EIF3F: variants seen among roughly 807,000 people sequenced by gnomAD.
EIF3F encodes deubiquitinating enzyme eIF3f.
A neutral mutation model predicts 36.0 loss-of-function variants in EIF3F; 8 were observed. The ratio of observed to expected loss-of-function variants is 0.22; its 90% confidence interval spans 0.13 to 0.40. The LOEUF is 0.40. EIF3F is among the 10% of genes least tolerant of loss of function. The probability of loss-of-function intolerance (pLI) is 1.00; values close to 1 mark genes in which losing one functional copy is unlikely to be tolerated. For synonymous variants in EIF3F, 184 were observed against 188.5 expected (o/e 0.98, Z 0.19); for missense variants, 430 against 467.6 (o/e 0.92, Z 0.74).
intron 5 of EIF3F, 37 bp from the exon 6 acceptor site, chr11:7,994,945 C>A: frequency 6.2e-7 from 1 of 1,608,164 alleles, no homozygotes; most frequent in Non-Finnish European, 8.5e-7. Flanking sequence ...TTACTGCCCA[C>A]CACTGCCGCT....
Position 8,001,542 on chromosome 11 carries a change from G to A in EIF3F, c.*5520G>A, listed in dbSNP as rs1361036628. ...ATATATCCATAAAACACAATACTAT[G>A]CAGCTGTTAAGCAGAATGAGACAGT... On this transcript the variant is annotated 3_prime_UTR_variant, in exon 8 of 8. Coordinates refer to ENST00000651655, the MANE Select transcript of EIF3F (RefSeq NM_003754.3). The A allele has an allele frequency of 6.6e-6, 1 of 152,140 alleles. No individual in the cohort carries two copies. The highest frequency in any genetic ancestry group is 1.9e-4 in the East Asian group (1 of 5,200). 9.4% of individuals were successfully genotyped at this position (152,140 alleles called of 1,614,324 possible).
rs576500262 is a variant in EIF3F at position 7,999,196 on chromosome 11, A to G, written c.*3174A>G. The G allele has an allele frequency of 7.2e-5, 11 of 152,366 alleles. No homozygotes were observed. The highest frequency in any genetic ancestry group is 3.3e-4 in the Admixed American group (5 of 15,306). The allele number at this position is 152,366 out of a possible 1,614,324, so 9.4% of individuals were successfully genotyped here. On this transcript the variant is annotated 3_prime_UTR_variant, in exon 8 of 8. Transcript: ENST00000651655. ...GAGGCAGGAGAATCTCGAACCCAGGAGGTAGGGGTTGCAGTGAGCTGAGAT... is the reference window on the plus strand; with the variant it reads ...GAGGCAGGAGAATCTCGAACCCAGGGGGTAGGGGTTGCAGTGAGCTGAGAT...
intron 5 of EIF3F, 59 bp from the exon 6 acceptor site, chr11:7,994,923 G>T (rs984734712): frequency 1.1e-5 from 17 of 1,597,056 alleles, no homozygotes; most frequent in Non-Finnish European, 1.3e-5. Flanking sequence ...TGGGATGACT[G>T]AATTCTCTCT....
chr11:7,996,051 C>T lies in EIF3F; in HGVS notation c.*29C>T, dbSNP rs776275694. 1.0e-5 allele frequency: 16 copies of T among 1,605,538 alleles called. No individual in the cohort carries two copies. The highest frequency in any genetic ancestry group is 1.4e-5 in the Non-Finnish European group (16 of 1,172,322). ...GACCCCAAGCAGTACACTTGCTGGTCTAGGTATTAACCCCAGGACTCAGAA... is the reference window on the plus strand; with the variant it reads ...GACCCCAAGCAGTACACTTGCTGGTTTAGGTATTAACCCCAGGACTCAGAA... On this transcript the variant is annotated 3_prime_UTR_variant, in exon 8 of 8. Transcript: ENST00000651655.
At chr11:7,987,744 T>C (rs759750410) in intron 1 of EIF3F, 28 bp downstream of exon 1, 1 of 1,474,248 alleles carries the variant, frequency 6.8e-7, no homozygotes, top group Non-Finnish European at 9.0e-7. Flanking sequence ...GTTAACATTC[T>C]TTTCTTCCTC....
intron 3 of EIF3F, 140 bp downstream of exon 3, chr11:7,992,303 C>A: frequency 2.7e-6 from 2 of 752,962 alleles, no homozygotes; most frequent in Non-Finnish European, 4.3e-6. Flanking sequence ...TGAGCAGTGG[C>A]TCAATGCCTG....
In EIF3F at chr11:8,000,471, G is replaced by GC. The variant is rs1354167420; in HGVS notation, c.*4449_*4450insC. The GC allele has an allele frequency of 6.6e-6, 1 of 152,134 alleles. No individual in the cohort carries two copies. The highest frequency in any genetic ancestry group is 1.9e-4 in the East Asian group (1 of 5,182). The allele number at this position is 152,134 out of a possible 1,614,324, so 9.4% of individuals were successfully genotyped here. A position where few individuals can be genotyped will look rare whatever the true frequency, so the allele number is the denominator to read the frequency against. On this transcript the variant is annotated 3_prime_UTR_variant, in exon 8 of 8. Transcript: ENST00000651655. ...TTAAACAGGAGTAGTACGTTCCGGA[G>GC]ACCTGTTGTGCAGCAGGGTGACTAG...
intron 5 of EIF3F, 193 bp downstream of exon 5, chr11:7,994,710 G>A (rs926693497): frequency 7.2e-6 from 5 of 691,860 alleles, no homozygotes; most frequent in Non-Finnish European, 9.6e-6. Context: ...ACTGTTAAAG[G>A]TGGGAAATGA....
In EIF3F at chr11:7,996,223, A is replaced by T. The variant is rs1320797656; in HGVS notation, c.*201A>T. 1.9e-6 allele frequency: 1 copy of T among 537,252 alleles called. No individual in the cohort carries two copies. The highest frequency in any genetic ancestry group is 3.0e-5 in the East Asian group (1 of 33,048). The allele number at this position is 537,252 out of a possible 1,614,324, so 33.3% of individuals were successfully genotyped here. On this transcript the variant is annotated 3_prime_UTR_variant, in exon 8 of 8. Transcript: ENST00000651655. ...GGTGGAAGGGAGGAAAATGTTTTAG[A>T]TCACACAGAAACTAGGAAGTGAATA...
intron 1 of EIF3F, among the ~76,000 whole-genome samples, chr11:7,989,259 C>T (rs1942063041): frequency 6.6e-6 from 1 of 152,296 alleles, no homozygotes; most frequent in Admixed American, 6.5e-5. Context: ...ACTCTTTTGG[C>T]TGCACTTTCT....
chr11:7,995,411 C>G (rs201575950), intron 7 of EIF3F, 44 bp downstream of exon 7: 1 of 1,428,128 alleles, frequency 7.0e-7, no homozygotes, highest in Non-Finnish European at 9.9e-7. Context: ...TTTCTTCCCC[C>G]ACCTCAGCAC....
chr11:7,991,066 G>A (rs1265460488), intron 1 of EIF3F, among the ~76,000 whole-genome samples: 2 of 151,590 alleles, frequency 1.3e-5, no homozygotes, highest in East Asian at 3.9e-4. Flanking sequence ...GTGGTGATGC[G>A]CACCTGTAGT....
chr11:7,994,294 G>A (rs2133673382), intron 4 of EIF3F, 132 bp from the exon 5 acceptor site: 1 of 732,084 alleles, frequency 1.4e-6, no homozygotes. Flanking sequence ...GACCTCTGGG[G>A]TTCATTTGGT....
At chr11:7,994,849 A>T (rs1942142831) in intron 5 of EIF3F, 133 bp from the exon 6 acceptor site, 1 of 1,308,360 alleles carries the variant, frequency 7.6e-7, no homozygotes. Flanking sequence ...GTGACTGAGC[A>T]GACTGAGTCT....
Position 7,987,479 on chromosome 11 carries a change from C to T in EIF3F, c.127C>T (p.Pro43Ser). 6.2e-7 allele frequency: 1 copy of T among 1,606,418 alleles called. No homozygotes were observed. Among genetic ancestry groups the T allele is most frequent in the Non-Finnish European group, 8.5e-7 (1 of 1,178,810 alleles). The change falls in exon 1 of 8, where the codon CCA becomes TCA. Residue 43 changes from proline (P) to serine (S), a missense_variant. Around this residue, in one of 2 missense-constraint regions of EIF3F, gnomAD observed 168 missense variants for 120.2 expected, o/e 1.40. Transcript: ENST00000651655. ...TGCGGCTCCGGTTCCCGCTGCGGCTCCAGCCTCATCCTCAGACCCTGCGGC... is the reference window on the plus strand; with the variant it reads ...TGCGGCTCCGGTTCCCGCTGCGGCTTCAGCCTCATCCTCAGACCCTGCGGC... ...PAAAPVPAAA[P>S]ASSSDPAAAA...
chr11:7,992,579 A>G, intron 3 of EIF3F: 1 of 449,604 alleles, frequency 2.2e-6, no homozygotes, highest in Non-Finnish European at 4.1e-6. Flanking sequence ...CCTGTCTCTA[A>G]AAAACAAAAG....
At chr11:7,988,989 C>T (rs956966042) in intron 1 of EIF3F, among the ~76,000 whole-genome samples, 3 of 152,216 alleles carry the variant, frequency 2.0e-5, no homozygotes, top group African/African-American at 4.8e-5. Flanking sequence ...ATCTTCTGAA[C>T]ATTGCTTGTC....
intron 1 of EIF3F, among the ~76,000 whole-genome samples, chr11:7,990,742 GACA>G (rs1942081752): frequency 6.6e-6 from 1 of 152,252 alleles, no homozygotes; most frequent in East Asian, 1.9e-4. Context: ...GGTAGATATA[GACA>G]ACACTGTGGT....
intron 4 of EIF3F, 81 bp from the exon 5 acceptor site, chr11:7,994,345 T>C: frequency 8.3e-7 from 1 of 1,210,506 alleles, no homozygotes; most frequent in Admixed American, 2.1e-5. Flanking sequence ...ATATTCCTGC[T>C]GTATCTGCTT....
Sources: gnomAD v4.1 joint callset for allele counts (sites outside exome capture counted in the v4.1 genomes callset) on GRCh38, gnomAD v4.1.1 for gene constraint, gnomAD v4.1.1 regional missense constraint, MANE v1.5 for transcripts, NCBI Gene and HGNC (gene_info 2026-07-23, HGNC 2026-07-21) for gene names.